NNT: variants seen among roughly 807,000 people sequenced by gnomAD.
NNT encodes NAD(P) transhydrogenase, mitochondrial.
Under a neutral mutation model 104.8 loss-of-function variants are expected in NNT, and 50 were observed. The observed-to-expected ratio is 0.48, with a 90% CI of 0.38 to 0.60. The LOEUF is 0.60. NNT is among the 20% of genes least tolerant of loss of function. NNT has a pLI of 0.00. For synonymous variants in NNT, 461 were observed against 490.4 expected, an observed-to-expected ratio of 0.94 and a Z score of 0.79; for missense variants, 1,131 against 1,330.7, an observed-to-expected ratio of 0.85 and a Z score of 2.33.
chr5:43,667,030 C>T (rs1302868841), intron 17 of NNT: 14 of 1,596,634 alleles, frequency 8.8e-6, no homozygotes, highest in East Asian at 4.5e-5. Flanking sequence ...AGCCTGGGCA[C>T]GTGCACTCAT....
At chr5:43,700,888 T>C (rs1282624859) in intron 20 of NNT, among the ~76,000 whole-genome samples, 1 of 152,202 alleles carries the variant, frequency 6.6e-6, no homozygotes, top group African/African-American at 2.4e-5. Context: ...AAATTGTGTG[T>C]ATGTCTAGAT....
intron 17 of NNT, among the ~76,000 whole-genome samples, chr5:43,660,495 C>T (rs767857987): frequency 1.3e-5 from 2 of 151,888 alleles, no homozygotes; most frequent in South Asian, 2.1e-4. Context: ...GAAAGCAGAA[C>T]GTGATTTTAC....
rs547667454 is a variant in NNT, at chr5:43,611,622, G to A, written c.152-1286G>A. On this transcript the variant is annotated intron_variant, in intron 2 of 21. Transcript: ENST00000344920. ...GTGTACTGTAAATTATTACTATATA[G>A]GTAGTGTGGAATCTAAGACAGTGTT... 1.4e-3 allele frequency among the ~76,000 whole-genome samples: 217 copies of A among 152,234 alleles called. 1 individual carries two copies. Among genetic ancestry groups the A allele is most frequent in the African/African-American group, 5.1e-3 (213 of 41,546 alleles).
chr5:43,619,536 G>A (rs1749959526), intron 5 of NNT, among the ~76,000 whole-genome samples: 1 of 152,166 alleles, frequency 6.6e-6, no homozygotes, highest in Non-Finnish European at 1.5e-5. Flanking sequence ...CAAGAAGACA[G>A]GAAATGGGAG....
chr5:43,658,817 G>A (rs1050717051), intron 16 of NNT, among the ~76,000 whole-genome samples: 6 of 152,140 alleles, frequency 3.9e-5, no homozygotes, highest in African/African-American at 1.4e-4. Context: ...TTCCTTAACT[G>A]GTACCAACAG....
intron 19 of NNT, among the ~76,000 whole-genome samples, chr5:43,691,801 C>G (rs955933152): frequency 6.6e-6 from 1 of 152,188 alleles, no homozygotes; most frequent in Non-Finnish European, 1.5e-5. Flanking sequence ...AATAATCACA[C>G]GCTAGGGCTC....
chr5:43,658,629 T>G (rs1740185712), intron 16 of NNT, among the ~76,000 whole-genome samples: 1 of 152,214 alleles, frequency 6.6e-6, no homozygotes, highest in African/African-American at 2.4e-5. Flanking sequence ...CTCACATATG[T>G]GTAGTTCAAG....
At chr5:43,647,254 G>T (rs1389949369) in intron 10 of NNT, among the ~76,000 whole-genome samples, 2 of 152,070 alleles carry the variant, frequency 1.3e-5, no homozygotes, top group African/African-American at 4.8e-5. Context: ...GTCCCTACTT[G>T]CACTTATTTG....
At chr5:43,693,717 T>C (rs551408582) in intron 19 of NNT, among the ~76,000 whole-genome samples, 1 of 152,170 alleles carries the variant, frequency 6.6e-6, no homozygotes, top group Admixed American at 6.5e-5. Context: ...TAAAAAAAAA[T>C]TAACTTAAGT....
At chr5:43,635,587 AT>A (rs1227517410) in intron 7 of NNT, among the ~76,000 whole-genome samples, 1 of 152,114 alleles carries the variant, frequency 6.6e-6, no homozygotes, top group Non-Finnish European at 1.5e-5. Context: ...ACCAACAGAA[AT>A]TTATTTTCCC....
chr5:43,649,403 A>C lies in NNT; in HGVS notation c.1606+95A>C, dbSNP rs1044558426. 3.5e-6 allele frequency: 5 copies of C among 1,441,980 alleles called. No individual in the cohort carries two copies. The African/African-American group carries it at 7.1e-5, about 20-fold the overall frequency. The allele number at this position is 1,441,980 out of a possible 1,614,324, so 89.3% of individuals were successfully genotyped here. A position where few individuals can be genotyped will look rare whatever the true frequency, so the allele number is the denominator to read the frequency against. ...ATGCCGTTTATAAAGTGTGTTTTCA[A>C]GTTGTTTTGCTTGGCATCTGAGTCA... On this transcript the variant is annotated intron_variant, in intron 11 of 21. Transcript: ENST00000344920.
chr5:43,653,183 T>C lies in NNT; in HGVS notation c.2029T>C (p.Ser677Pro). The stretch of plus-strand genomic sequence containing the variant: ...GGGCCCAGAATTACTAGCTCAGATG[T>C]CTGGAGCGATGGCTTTGGGTGGTAC... ...KPGPELLAQMSGAMALGGTIG... is the reference protein window; with the variant it reads ...KPGPELLAQMPGAMALGGTIG... Residue 677 changes from serine (S) to proline (P), a missense_variant, in exon 14 of 22, where the codon TCT (serine) becomes CCT (proline). Coordinates refer to ENST00000344920, the MANE Select transcript of NNT (RefSeq NM_182977.3). 6.2e-7 allele frequency: 1 copy of C among 1,614,104 alleles called. No homozygotes were observed. Among genetic ancestry groups the C allele is most frequent in the Non-Finnish European group, 8.5e-7 (1 of 1,179,976 alleles).
At chr5:43,630,369 T>C (rs1750613199) in intron 7 of NNT, among the ~76,000 whole-genome samples, 1 of 152,204 alleles carries the variant, frequency 6.6e-6, no homozygotes, top group Non-Finnish European at 1.5e-5. Flanking sequence ...AGAAAAAAAA[T>C]ACAGATCATT....
At chr5:43,634,768 C>T (rs1383296924) in intron 7 of NNT, among the ~76,000 whole-genome samples, 1 of 152,184 alleles carries the variant, frequency 6.6e-6, no homozygotes, top group Non-Finnish European at 1.5e-5. Context: ...AACTTGTCCT[C>T]AAGTGGAAGA....
intron 19 of NNT, among the ~76,000 whole-genome samples, chr5:43,697,895 T>C (rs1451138322): frequency 6.6e-6 from 1 of 152,144 alleles, no homozygotes; most frequent in Non-Finnish European, 1.5e-5. Context: ...TCAGTAATCT[T>C]CCACCAGGTC....
intron 19 of NNT, among the ~76,000 whole-genome samples, chr5:43,685,010 C>T (rs75165469): frequency 0.014 from 2,148 of 152,206 alleles, 43 homozygotes; most frequent in African/African-American, 0.044. Context: ...TTATTGTATC[C>T]ACAGTGGAAT....
Position 43,645,442 on chromosome 5 carries a change from A to T in NNT, c.1376A>T (p.Glu459Val). The T allele has an allele frequency of 6.3e-7, 1 of 1,576,046 alleles. No individual in the cohort carries two copies. The highest frequency in any genetic ancestry group is 8.6e-7 in the Non-Finnish European group (1 of 1,159,890). ...PVKQKTVAEL[E>V]AEKAATITPF... The stretch of plus-strand genomic sequence containing the variant: ...AAACAGAAGACAGTGGCTGAGCTGG[A>T]AGCTGAAAAAGCAGCTACCATTACA... Residue 459 changes from glutamate to valine, a missense_variant, in exon 10 of 22, where the codon GAA becomes GTA. Physicochemically the swap from Glu to Val is moderately radical, Grantham distance 121. Coordinates refer to ENST00000344920, the MANE Select transcript of NNT (RefSeq NM_182977.3).
chr5:43,613,212 C>T, intron 3 of NNT, 75 bp downstream of exon 3: 1 of 1,176,342 alleles, frequency 8.5e-7, no homozygotes, highest in Non-Finnish European at 1.2e-6. Flanking sequence ...AATTAAATTA[C>T]TTTATCTGGA....
At position 43,656,730 on chromosome 5, in the gene NNT, G is replaced by T. The variant is rs753409624; in HGVS notation, c.2371G>T (p.Gly791Trp). 6.2e-7 allele frequency: 1 copy of T among 1,614,030 alleles called. No individual in the cohort carries two copies. The highest frequency in any genetic ancestry group is 1.3e-5 in the African/African-American group (1 of 74,930). ...NAGLLAASVGGIIPFMVDPSF... is the reference protein window; with the variant it reads ...NAGLLAASVGWIIPFMVDPSF... ...AGGCTTACTGGCTGCTAGTGTGGGC[G>T]GGATAATCCCATTCATGGTGGACCC... Residue 791 changes from glycine (G) to tryptophan (W), a missense_variant, in exon 16 of 22, where the codon GGG becomes TGG. Gly to Trp is a radical substitution (Grantham distance 184, BLOSUM62 -2). Transcript: ENST00000344920.
Sources: gnomAD v4.1 joint callset for allele counts (sites outside exome capture counted in the v4.1 genomes callset) on GRCh38, gnomAD v4.1.1 for gene constraint, MANE v1.5 for transcripts, NCBI Gene and HGNC (gene_info 2026-07-23, HGNC 2026-07-21) for gene names.